UBN2: variants seen among roughly 807,000 people sequenced by gnomAD.
UBN2 encodes ubinuclein 2.
In UBN2, 35 loss-of-function variants were observed where a neutral mutation model predicts 120.2. That is an observed-to-expected ratio of 0.29 (90% CI 0.22 to 0.39). The LOEUF (loss-of-function observed/expected upper bound fraction) is 0.39, where lower values mean the gene tolerates loss of function less well. Ranked by LOEUF, UBN2 falls within the 10% of genes least tolerant of loss-of-function variation. UBN2 has a pLI of 1.00. For synonymous variants in UBN2, 661 were observed against 648.7 expected (o/e 1.02, Z -0.29); for missense variants, 1,693 against 1,663.2 (o/e 1.02, Z -0.31).
chr7:139,293,594 A>AATGC (rs1798026517), intron 16 of UBN2, 131 bp downstream of exon 16: 1 of 799,682 alleles, frequency 1.3e-6, no homozygotes, highest in Non-Finnish European at 1.9e-6. Flanking sequence ...TTTTTTAAGA[A>AATGC]ATGCAGTTTA....
chr7:139,284,691 A>G (rs1011030831), intron 15 of UBN2, 117 bp downstream of exon 15: 30 of 867,882 alleles, frequency 3.5e-5, no homozygotes, highest in Non-Finnish European at 5.0e-5. Flanking sequence ...TTGGCTTATT[A>G]CAGCCTGCAG....
In UBN2 at chr7:139,297,973, GAAAAA is replaced by G; in HGVS notation, c.*138_*142del. ...TCGTCCCAAGCACTGTGGTGAGGAG[GAAAAA>G]GAAAAGAAAACATTACTTGAGCAAA... On this transcript the variant is annotated 3_prime_UTR_variant, in exon 18 of 18. Transcript: ENST00000473989. The G allele has an allele frequency of 1.1e-6, 1 of 931,230 alleles. No individual in the cohort carries two copies. The highest frequency in any genetic ancestry group is 1.7e-5 in the African/African-American group (1 of 59,682). 57.7% of individuals were successfully genotyped at this position (931,230 alleles called of 1,614,324 possible).
chr7:139,314,448 A>C, the UBN2 span, among the ~76,000 whole-genome samples: 1 of 151,906 alleles, frequency 6.6e-6, no homozygotes, highest in African/African-American at 2.4e-5. Flanking sequence ...GACAAAGAGA[A>C]ACTCCATCTC....
At chr7:139,263,079 G>A (rs762050380) in intron 6 of UBN2, among the ~76,000 whole-genome samples, 2 of 152,180 alleles carry the variant, frequency 1.3e-5, no homozygotes, top group Non-Finnish European at 2.9e-5. Context: ...ATGGTAGGCA[G>A]TAACGTGTAT....
Position 139,297,884 on chromosome 7 carries a change from C to G in UBN2, c.*48C>G, listed in dbSNP as rs1281250855. 3 of 1,597,936 alleles carry G rather than the reference C, an allele frequency of 1.9e-6. No homozygotes were observed. The highest frequency in any genetic ancestry group is 3.3e-5 in the Admixed American group (2 of 59,992). ...GAAATGTTTAGTTGACTGATGGAATCTACCTGATGGGAAAGTACTTATGTG... is the reference window on the plus strand; with the variant it reads ...GAAATGTTTAGTTGACTGATGGAATGTACCTGATGGGAAAGTACTTATGTG... On this transcript the variant is annotated 3_prime_UTR_variant, in exon 18 of 18. Transcript: ENST00000473989.
chr7:139,232,003 G>GC (rs1796032974), intron 1 of UBN2, 51 bp downstream of exon 1: 1 of 1,542,064 alleles, frequency 6.5e-7, no homozygotes, highest in African/African-American at 1.4e-5. Flanking sequence ...CTCAGGACCC[G>GC]CCGCCTTCCC....
chr7:139,250,236 A>AT (rs1249985946), intron 2 of UBN2, among the ~76,000 whole-genome samples: 8 of 151,438 alleles, frequency 5.3e-5, no homozygotes, highest in Admixed American at 1.3e-4. Flanking sequence ...ACCTTGTGTC[A>AT]TTTTTTTTCT....
chr7:139,261,807 T>A, intron 6 of UBN2, 66 bp downstream of exon 6: 1 of 1,487,502 alleles, frequency 6.7e-7, no homozygotes, highest in Non-Finnish European at 9.0e-7. Flanking sequence ...CTTTTGTTCG[T>A]TTGTTTTTAT....
intron 1 of UBN2, among the ~76,000 whole-genome samples, chr7:139,233,018 A>C (rs895895191): frequency 2.0e-5 from 3 of 152,210 alleles, no homozygotes; most frequent in Admixed American, 6.5e-5. Flanking sequence ...GCTTGAGTCT[A>C]ATGGACTCCA....
chr7:139,251,692 G>T (rs1796628012), intron 2 of UBN2, among the ~76,000 whole-genome samples: 1 of 152,220 alleles, frequency 6.6e-6, no homozygotes, highest in Non-Finnish European at 1.5e-5. Context: ...TCAGTATGAT[G>T]TATCCCTGTT....
chr7:139,258,950 A>G (rs1669950373), intron 4 of UBN2, among the ~76,000 whole-genome samples: 1 of 152,208 alleles, frequency 6.6e-6, no homozygotes, highest in Non-Finnish European at 1.5e-5. Flanking sequence ...AACAAAATCT[A>G]TAGAATTTGT....
chr7:139,265,694 T>C (rs570041381), intron 6 of UBN2, among the ~76,000 whole-genome samples: 1 of 152,130 alleles, frequency 6.6e-6, no homozygotes, highest in East Asian at 1.9e-4. Context: ...AAGGAGGTGT[T>C]TTACACACAC....
rs768649920 is a variant in UBN2 at position 139,300,505 on chromosome 7, CAG to C, written c.*2673_*2674del. ...CATATAAATTGGTTATTTTTTAGCA[CAG>C]AGACTTGTGACTCATACTGTATTTT... On this transcript the variant is annotated 3_prime_UTR_variant, in exon 18 of 18. Transcript: ENST00000473989. 1.3e-5 allele frequency: 2 copies of C among 152,114 alleles called. No homozygotes were observed. The highest frequency in any genetic ancestry group is 2.9e-5 in the Non-Finnish European group (2 of 68,018). 9.4% of individuals were successfully genotyped at this position (152,114 alleles called of 1,614,324 possible). A position where few individuals can be genotyped will look rare whatever the true frequency, so the allele number is the denominator to read the frequency against.
chr7:139,294,023 G>T, intron 17 of UBN2, 42 bp downstream of exon 17: 1 of 1,575,584 alleles, frequency 6.3e-7, no homozygotes, highest in South Asian at 1.1e-5. Context: ...ATTTGTATAG[G>T]CTTATAGATA....
the UBN2 span, among the ~76,000 whole-genome samples, chr7:139,328,300 G>A: frequency 6.6e-6 from 1 of 152,182 alleles, no homozygotes; most frequent in Non-Finnish European, 1.5e-5. Flanking sequence ...AGGGGAAAGT[G>A]CCACACTTTT....
At chr7:139,318,845 A>G in the UBN2 span, among the ~76,000 whole-genome samples, 1 of 152,092 alleles carries the variant, frequency 6.6e-6, no homozygotes, top group Non-Finnish European at 1.5e-5. Flanking sequence ...TTTCAGCCAC[A>G]AATTCATGCG....
At chr7:139,321,887 C>T in the UBN2 span, among the ~76,000 whole-genome samples, 92 of 152,182 alleles carry the variant, frequency 6.0e-4, no homozygotes, top group African/African-American at 2.1e-3. Flanking sequence ...CGTGACCCCA[C>T]GGACTCCAGG....
chr7:139,255,614 C>T (rs958307152), intron 3 of UBN2, among the ~76,000 whole-genome samples: 4 of 151,926 alleles, frequency 2.6e-5, no homozygotes, highest in Admixed American at 2.0e-4. Context: ...AGTGTCTTTG[C>T]CCTTGACATA....
the UBN2 span, among the ~76,000 whole-genome samples, chr7:139,320,188 G>A: frequency 1.3e-5 from 2 of 152,038 alleles, no homozygotes; most frequent in African/African-American, 4.8e-5. Flanking sequence ...CTGACCAGAC[G>A]TGATGGCTCA....
Sources: allele counts gnomAD v4.1 joint callset (sites outside exome capture counted in the v4.1 genomes callset), GRCh38; gene constraint gnomAD v4.1.1; transcripts MANE v1.5; gene names NCBI Gene and HGNC (gene_info 2026-07-23, HGNC 2026-07-21).